Variants in LRRC37A observed in about 807,000 individuals in gnomAD.
LRRC37A encodes the protein leucine rich repeat containing 37A.
LRRC37A carries 3 observed loss-of-function variants against 35.4 expected under a neutral mutation model. The ratio of observed to expected loss-of-function variants is 0.08; its 90% CI spans 0.04 to 0.22. The LOEUF (loss-of-function observed/expected upper bound fraction) is 0.22, where lower values mean the gene tolerates loss of function less well. Ranked by LOEUF, LRRC37A falls within the 10% of genes least tolerant of loss-of-function variation. The pLI is 1.00. For synonymous variants in LRRC37A, 23 were observed against 215.0 expected (o/e 0.11, Z 7.81); for missense variants, 67 against 565.3 (o/e 0.12, Z 8.94).
chr17:46,319,212 A>ATT (rs1225879085), intron 5 of LRRC37A, among the ~76,000 whole-genome samples: 1 of 1,640 alleles, frequency 6.1e-4, no homozygotes, highest in East Asian at 5.2e-3. Context: ...ATTGTGGTCA[A>ATT]TTTTTTTTTT....
Position 46,325,641 on chromosome 17 carries a change from C to T in LRRC37A, c.3053+2614C>T, listed in dbSNP as rs1287304967. On this transcript the variant is annotated intron_variant, in intron 7 of 13. Transcript: ENST00000320254. ...TAGGACAATTGTGAAAATGTGTATA[C>T]GGACCGCATAGTAGACAATGATAAT... is the stretch of plus-strand genomic sequence containing the variant. 4.9e-5 allele frequency among the ~76,000 whole-genome samples: 4 copies of T among 81,038 alleles called. 2 individuals carry two copies. The Admixed American group carries it at 5.1e-4, about 10-fold the overall frequency. 53.2% of individuals were successfully genotyped at this position (81,038 alleles called of 152,430 possible). A position where few individuals can be genotyped will look rare whatever the true frequency, so the allele number is the denominator to read the frequency against.
the LRRC37A span, among the ~76,000 whole-genome samples, chr17:46,266,629 A>C: frequency 3.3e-5 from 5 of 152,182 alleles, no homozygotes; most frequent in African/African-American, 1.2e-4. Context: ...TGCAAAAATG[A>C]CAGCTAGAGC....
At chr17:46,260,884 T>C in the LRRC37A span, among the ~76,000 whole-genome samples, 3 of 152,140 alleles carry the variant, frequency 2.0e-5, no homozygotes, top group African/African-American at 4.8e-5. Context: ...CGGCCTCGCA[T>C]AGTGCTGGGA....
the LRRC37A span, among the ~76,000 whole-genome samples, chr17:46,286,915 A>G: frequency 6.6e-6 from 1 of 152,246 alleles, no homozygotes; most frequent in Admixed American, 6.5e-5. Context: ...TGCGATGCCA[A>G]CACATTCTCC....
the LRRC37A span, among the ~76,000 whole-genome samples, chr17:46,282,924 T>C: frequency 2.0e-5 from 3 of 152,024 alleles, no homozygotes; most frequent in African/African-American, 4.8e-5. Flanking sequence ...TTTGAGACCA[T>C]CCTGGCCAAC....
the LRRC37A span, among the ~76,000 whole-genome samples, chr17:46,255,800 C>G: frequency 6.6e-6 from 1 of 152,016 alleles, no homozygotes; most frequent in African/African-American, 2.4e-5. Context: ...CTCAGCCTCC[C>G]GAATAGCTGG....
the LRRC37A span, among the ~76,000 whole-genome samples, chr17:46,285,508 T>C: frequency 2.0e-5 from 3 of 152,166 alleles, no homozygotes; most frequent in East Asian, 5.8e-4. Context: ...CACAAAGTGC[T>C]GGGATTACAG....
chr17:46,261,453 C>T, the LRRC37A span, among the ~76,000 whole-genome samples: 1 of 152,010 alleles, frequency 6.6e-6, no homozygotes, highest in East Asian at 1.9e-4. Flanking sequence ...GCTCTGTTGC[C>T]CAGGCTGGAG....
rs1315108946 is a variant in LRRC37A, at chr17:46,336,192, CT to C, written c.4859+607del. The stretch of plus-strand genomic sequence containing the variant: ...GGAAACAGTATTTTCTCTTTTATTT[CT>C]TTTTTTTTCCCCTGGATCCTAGAAC... On this transcript the variant is annotated intron_variant, in intron 11 of 13. Transcript: ENST00000320254. Among the ~76,000 whole-genome samples the C allele has an allele frequency of 2.2e-4, 7 of 31,866 alleles. 2 individuals carry two copies. Among genetic ancestry groups the C allele is most frequent in the African/African-American group, 3.4e-4 (7 of 20,762 alleles). 20.9% of individuals were successfully genotyped at this position (31,866 alleles called of 152,430 possible).
At chr17:46,317,138 G>A (rs1451455073) in intron 5 of LRRC37A, among the ~76,000 whole-genome samples, 1 of 89,474 alleles carries the variant, frequency 1.1e-5, no homozygotes, top group Admixed American at 1.1e-4. Context: ...ACACCTCCCA[G>A]ATGGGGTGGC....
the LRRC37A span, chr17:46,268,570 A>G: frequency 2.0e-6 from 3 of 1,525,292 alleles, no homozygotes; most frequent in Admixed American, 2.0e-5. Flanking sequence ...GCTCTGCTCC[A>G]GGTCCTGAGA....
chr17:46,250,969 G>T, the LRRC37A span, among the ~76,000 whole-genome samples: 34 of 152,030 alleles, frequency 2.2e-4, no homozygotes, highest in South Asian at 4.1e-4. Flanking sequence ...TGTTGCCAAG[G>T]CTGGATTGTA....
At chr17:46,266,538 G>A in the LRRC37A span, among the ~76,000 whole-genome samples, 9 of 152,210 alleles carry the variant, frequency 5.9e-5, no homozygotes, top group Admixed American at 2.6e-4. Flanking sequence ...GCATGAACGG[G>A]GACGCGGGTG....
chr17:46,276,016 G>A, the LRRC37A span, among the ~76,000 whole-genome samples: 23 of 152,000 alleles, frequency 1.5e-4, no homozygotes, highest in Non-Finnish European at 7.3e-5. Flanking sequence ...TCAGCCTCCC[G>A]AGTAGCTGGG....
At chr17:46,281,526 C>T in the LRRC37A span, among the ~76,000 whole-genome samples, 1 of 152,132 alleles carries the variant, frequency 6.6e-6, no homozygotes, top group South Asian at 2.1e-4. Context: ...AACTCCTGGG[C>T]ACAAGTGATC....
chr17:46,268,763 G>A, the LRRC37A span: 1 of 1,137,934 alleles, frequency 8.8e-7, no homozygotes, highest in Non-Finnish European at 1.2e-6. Context: ...CTATCTTCAT[G>A]TAATGGGTCC....
the LRRC37A span, among the ~76,000 whole-genome samples, chr17:46,251,182 T>C: frequency 1.1e-4 from 17 of 152,316 alleles, no homozygotes; most frequent in East Asian, 3.3e-3. Context: ...GTCCCGTGGT[T>C]CTCAACTGGG....
the LRRC37A span, among the ~76,000 whole-genome samples, chr17:46,277,641 C>CTTTTCTTTTCTTTG: frequency 6.8e-6 from 1 of 146,614 alleles, no homozygotes; most frequent in Middle Eastern, 3.7e-3. Flanking sequence ...CTTTTCTTTT[C>CTTTTCTTTTCTTTG]TTTCTTTCTT....
chr17:46,274,486 A>G, the LRRC37A span, among the ~76,000 whole-genome samples: 3 of 152,254 alleles, frequency 2.0e-5, no homozygotes, highest in Non-Finnish European at 4.4e-5. Flanking sequence ...ATGTGTACAT[A>G]GCAGCTCCTT....
Sources: gnomAD v4.1 joint callset for allele counts (sites outside exome capture counted in the v4.1 genomes callset) on GRCh38, gnomAD v4.1.1 for gene constraint, MANE v1.5 for transcripts, NCBI Gene and HGNC (gene_info 2026-07-23, HGNC 2026-07-21) for gene names.